Variants in MAF observed in about 807,000 individuals in gnomAD.
The protein encoded by MAF is MAF bZIP transcription factor, also known as transcription factor Maf.
MAF carries 10 observed loss-of-function variants against 22.0 expected under a neutral mutation model. The ratio of observed to expected loss-of-function variants is 0.45; its 90% CI spans 0.28 to 0.77. The LOEUF (loss-of-function observed/expected upper bound fraction) is 0.77, where lower values mean the gene tolerates loss of function less well. Among genes scored for constraint, MAF ranks in the 30% least tolerant of loss-of-function variants. MAF has a pLI of 0.12. For synonymous variants in MAF, 337 were observed against 255.8 expected (o/e 1.32, Z -3.03); for missense variants, 544 against 548.4 (o/e 0.99, Z 0.08).
the MAF span, among the ~76,000 whole-genome samples, chr16:79,543,299 C>T: frequency 2.0e-5 from 3 of 152,172 alleles, no homozygotes; most frequent in African/African-American, 7.2e-5. Flanking sequence ...GATTTTAAGC[C>T]AGGGAGAACT....
chr16:79,224,657 CAA>C, the MAF span, among the ~76,000 whole-genome samples: 1 of 152,198 alleles, frequency 6.6e-6, no homozygotes, highest in African/African-American at 2.4e-5. Flanking sequence ...GCAACTTCAG[CAA>C]AGTCTCAGGA....
chr16:79,240,487 G>GAAAAAAAA, the MAF span, among the ~76,000 whole-genome samples: 94 of 60,702 alleles, frequency 1.5e-3, 7 homozygotes, highest in African/African-American at 2.9e-3. Flanking sequence ...AGCATCTCTG[G>GAAAAAAAA]AAAAAAAAAA....
chr16:79,327,802 A>C, the MAF span, among the ~76,000 whole-genome samples: 1 of 152,226 alleles, frequency 6.6e-6, no homozygotes, highest in South Asian at 2.1e-4. Flanking sequence ...TGATCTTATA[A>C]AGGAGGAAAC....
chr16:79,328,772 C>G, the MAF span, among the ~76,000 whole-genome samples: 3 of 152,150 alleles, frequency 2.0e-5, no homozygotes, highest in Non-Finnish European at 2.9e-5. Flanking sequence ...AAAATGGAAC[C>G]CTTTGAAGAA....
At chr16:79,235,914 T>C in the MAF span, among the ~76,000 whole-genome samples, 8 of 152,012 alleles carry the variant, frequency 5.3e-5, no homozygotes, top group African/African-American at 1.9e-4. Flanking sequence ...CATCCCTCAC[T>C]GCAAGCCAAG....
At chr16:79,258,299 G>T in the MAF span, among the ~76,000 whole-genome samples, 7 of 152,174 alleles carry the variant, frequency 4.6e-5, no homozygotes, top group Admixed American at 4.6e-4. Flanking sequence ...CAGGGTCCGG[G>T]AGCCAGCCCA....
chr16:79,478,040 A>G, the MAF span, among the ~76,000 whole-genome samples: 1 of 152,174 alleles, frequency 6.6e-6, no homozygotes, highest in African/African-American at 2.4e-5. Context: ...AAGGTAATAA[A>G]CAAATACTCA....
the MAF span, among the ~76,000 whole-genome samples, chr16:79,520,232 G>A: frequency 6.6e-6 from 1 of 152,078 alleles, no homozygotes. Flanking sequence ...ATATAATTCA[G>A]ATCAACTGGC....
chr16:79,466,363 A>G, the MAF span, among the ~76,000 whole-genome samples: 8 of 152,176 alleles, frequency 5.3e-5, no homozygotes, highest in South Asian at 2.1e-4. Context: ...CTGAAAATGA[A>G]ATTGCCTCAC....
At chr16:79,382,405 A>T in the MAF span, among the ~76,000 whole-genome samples, 1 of 152,338 alleles carries the variant, frequency 6.6e-6, no homozygotes, top group South Asian at 2.1e-4. Flanking sequence ...AAAGTTTCCT[A>T]TCTGGGCTGT....
At chr16:79,353,013 G>A in the MAF span, among the ~76,000 whole-genome samples, 2 of 152,048 alleles carry the variant, frequency 1.3e-5, no homozygotes, top group African/African-American at 2.4e-5. Context: ...CAAGGGCTGC[G>A]AGAGAGGGGA....
In MAF at chr16:79,599,018, G is replaced by C; in HGVS notation, c.885C>G (p.Thr295=). 2 of 1,613,604 alleles carry C rather than the reference G, an allele frequency of 1.2e-6. No homozygotes were observed. Residue 295 remains threonine (T), a synonymous_variant, in exon 1 of 2, where the codon ACC becomes ACG. Transcript: ENST00000326043. ...EVIRLKQKRR[T]LKNRGYAQSC... is the part of the protein sequence containing the mutation. ...ACTGGGCATAGCCGCGGTTTTTCAGGGTCCGCCTCTTCTGCTTCAGCCGGA... is the reference window on the plus strand; with the variant it reads ...ACTGGGCATAGCCGCGGTTTTTCAGCGTCCGCCTCTTCTGCTTCAGCCGGA...
At chr16:79,412,190 G>A in the MAF span, among the ~76,000 whole-genome samples, 19 of 152,324 alleles carry the variant, frequency 1.2e-4, no homozygotes, top group Middle Eastern at 3.4e-3. Flanking sequence ...GTACAATATG[G>A]CAAAGATGAG....
the MAF span, among the ~76,000 whole-genome samples, chr16:79,300,740 T>C: frequency 6.6e-6 from 1 of 152,008 alleles, no homozygotes; most frequent in African/African-American, 2.4e-5. Flanking sequence ...ATTTAATTTA[T>C]ATACATTTTA....
chr16:79,560,481 T>C, the MAF span, among the ~76,000 whole-genome samples: 4 of 151,700 alleles, frequency 2.6e-5, no homozygotes, highest in Middle Eastern at 3.5e-3. Flanking sequence ...GTGGAAGCTG[T>C]TGAAGGATCC....
At chr16:79,363,782 A>G in the MAF span, among the ~76,000 whole-genome samples, 1 of 152,188 alleles carries the variant, frequency 6.6e-6, no homozygotes, top group Non-Finnish European at 1.5e-5. Flanking sequence ...AGAGTTGTAA[A>G]GGATCATTAA....
the MAF span, among the ~76,000 whole-genome samples, chr16:79,230,385 C>A: frequency 6.6e-6 from 1 of 152,166 alleles, no homozygotes; most frequent in Non-Finnish European, 1.5e-5. Flanking sequence ...CTCGGAGAGT[C>A]ACCATCCGCC....
At chr16:79,584,103 T>G (rs1015756304), downstream of MAF, among the ~76,000 whole-genome samples, 1 of 152,176 alleles carries the variant, frequency 6.6e-6, no homozygotes, top group African/African-American at 2.4e-5. Flanking sequence ...CTAGAATGCT[T>G]CTGAGACTAC....
chr16:79,439,565 C>T, the MAF span, among the ~76,000 whole-genome samples: 1 of 152,130 alleles, frequency 6.6e-6, no homozygotes, highest in African/African-American at 2.4e-5. Flanking sequence ...CTGGCCAGCA[C>T]TTAATATTTA....
Sources: allele counts gnomAD v4.1 joint callset (sites outside exome capture counted in the v4.1 genomes callset), GRCh38; gene constraint gnomAD v4.1.1; transcripts MANE v1.5; gene names NCBI Gene and HGNC (gene_info 2026-07-23, HGNC 2026-07-21).